The following SLC25A27 variants were observed in gnomAD, a reference collection of about 807,000 sequenced individuals.
SLC25A27 encodes the protein solute carrier family 25 member 27.
A neutral mutation model predicts 49.1 loss-of-function variants in SLC25A27; 35 were observed. The observed-to-expected ratio is 0.71, with a 90% confidence interval of 0.54 to 0.95. The LOEUF (loss-of-function observed/expected upper bound fraction) is 0.95. SLC25A27 is among the 40% of genes least tolerant of loss of function. SLC25A27 has a pLI of 0.00. For missense variants in SLC25A27, 339 were observed against 397.1 expected (o/e 0.85, Z 1.24); for synonymous variants, 144 against 136.9 (o/e 1.05, Z -0.36).
In SLC25A27 at chr6:46,671,113, G is replaced by GT; in HGVS notation, c.798-10dup. The GT allele has an allele frequency of 1.3e-6, 2 of 1,520,456 alleles. No homozygotes were observed. Among genetic ancestry groups the GT allele is most frequent in the Non-Finnish European group, 1.8e-6 (2 of 1,112,882 alleles). 94.2% of individuals were successfully genotyped at this position (1,520,456 alleles called of 1,614,324 possible). A position where few individuals can be genotyped will look rare whatever the true frequency, so the allele number is the denominator to read the frequency against. ...CACAGAAAAAAATTAAAAGGATCTT[G>GT]TTTCCTTTTTAGGGGACTTTTGTAT... On this transcript the variant is annotated splice_polypyrimidine_tract_variant and intron_variant, in intron 7 of 8. Transcript: ENST00000371347.
At chr6:46,657,572 T>C (rs1763027703) in intron 2 of SLC25A27, among the ~76,000 whole-genome samples, 1 of 152,224 alleles carries the variant, frequency 6.6e-6, no homozygotes, top group Non-Finnish European at 1.5e-5. Flanking sequence ...GGGAGTTACA[T>C]ATTATTTACT....
At chr6:46,665,277 A>G (rs1477469284) in intron 5 of SLC25A27, among the ~76,000 whole-genome samples, 2 of 152,130 alleles carry the variant, frequency 1.3e-5, no homozygotes, top group African/African-American at 4.8e-5. Context: ...CTAAATAATC[A>G]ATTTTTATAC....
chr6:46,664,910 T>G lies in SLC25A27; in HGVS notation c.619+24T>G, dbSNP rs184108813. The G allele has an allele frequency of 4.6e-5, 59 of 1,289,112 alleles. No individual in the cohort carries two copies. The African/African-American group carries it at 7.4e-4, about 16-fold the overall frequency. The allele number at this position is 1,289,112 out of a possible 1,614,324, so 79.9% of individuals were successfully genotyped here. On this transcript the variant is annotated intron_variant, in intron 5 of 8. Coordinates refer to ENST00000371347, the MANE Select transcript of SLC25A27 (RefSeq NM_004277.5). ...AGGTAATGAAAACTTTGTTAAATTC[T>G]AAAAAGTCCTAATTGCCTTAATAGC...
At chr6:46,660,875 T>C (rs1763139287) in intron 3 of SLC25A27, among the ~76,000 whole-genome samples, 2 of 152,220 alleles carry the variant, frequency 1.3e-5, no homozygotes, top group South Asian at 4.1e-4. Context: ...TGGAATTTCT[T>C]CCAGAAGGGA....
chr6:46,660,255 T>G (rs944655747), intron 3 of SLC25A27, among the ~76,000 whole-genome samples: 57 of 151,276 alleles, frequency 3.8e-4, no homozygotes, highest in South Asian at 6.3e-4. Flanking sequence ...TGTGTGTGTA[T>G]AGAGAGAGAG....
chr6:46,658,851 C>G, intron 2 of SLC25A27, 111 bp from the exon 3 acceptor site: 2 of 818,216 alleles, frequency 2.4e-6, no homozygotes, highest in South Asian at 1.4e-5. Flanking sequence ...GACAAAGACA[C>G]AGCTAGAGAG....
At position 46,665,579 on chromosome 6, in the gene SLC25A27, G is replaced by A. The variant is rs532297998; in HGVS notation, c.619+693G>A. Among the ~76,000 whole-genome samples, 21 of 152,176 alleles carry A rather than the reference G, an allele frequency of 1.4e-4. No homozygotes were observed. The South Asian group carries it at 2.5e-3, about 18-fold the overall frequency. ...CAGGTGCCTGTAGTCCCAGCTACTCGGGAGGCTGAGGCAGGAGAATGGCGT... is the reference window on the plus strand; with the variant it reads ...CAGGTGCCTGTAGTCCCAGCTACTCAGGAGGCTGAGGCAGGAGAATGGCGT... On this transcript the variant is annotated intron_variant, in intron 5 of 8. Coordinates refer to ENST00000371347, the MANE Select transcript of SLC25A27 (RefSeq NM_004277.5).
chr6:46,655,922 A>G lies in SLC25A27; in HGVS notation c.186A>G (p.Ala62=). The part of the protein sequence containing the change: ...EAALARLGDG[A]RESAPYRGMV... ...CTCTTGCTCGGTTGGGAGACGGTGC[A>G]AGAGAATCTGCCCCCTATAGGGGAA... The change falls in exon 2 of 9, where the codon GCA becomes GCG. Residue 62 remains alanine (A), a synonymous_variant. Coordinates refer to ENST00000371347, the MANE Select transcript of SLC25A27 (RefSeq NM_004277.5). 3.1e-6 allele frequency: 5 copies of G among 1,613,894 alleles called. No individual in the cohort carries two copies. The highest frequency in any genetic ancestry group is 4.2e-6 in the Non-Finnish European group (5 of 1,179,958).
At chr6:46,662,740 C>CT (rs1763200105) in intron 4 of SLC25A27, among the ~76,000 whole-genome samples, 1 of 152,194 alleles carries the variant, frequency 6.6e-6, no homozygotes, top group Non-Finnish European at 1.5e-5. Context: ...CCAGCCAAGG[C>CT]TAGACTTGTC....
intron 5 of SLC25A27, among the ~76,000 whole-genome samples, chr6:46,666,524 TAG>T (rs1763330100): frequency 6.6e-6 from 1 of 152,224 alleles, no homozygotes. Flanking sequence ...GCTTTGCTAT[TAG>T]AGTCTGTCTG....
intron 4 of SLC25A27, among the ~76,000 whole-genome samples, chr6:46,662,729 C>T (rs1670984563): frequency 6.6e-6 from 1 of 152,142 alleles, no homozygotes; most frequent in South Asian, 2.1e-4. Context: ...TGCTGCTTTT[C>T]CCAGCCAAGG....
intron 1 of SLC25A27, among the ~76,000 whole-genome samples, 162 bp from the exon 2 acceptor site, chr6:46,655,681 G>A (rs1321149139): frequency 1.3e-5 from 2 of 151,384 alleles, no homozygotes; most frequent in African/African-American, 4.9e-5. Context: ...CATGGGCACG[G>A]GGCTAGGAAA....
chr6:46,672,920 T>TAG (rs1490598272), intron 8 of SLC25A27, among the ~76,000 whole-genome samples: 2 of 152,320 alleles, frequency 1.3e-5, no homozygotes, highest in Non-Finnish European at 2.9e-5. Flanking sequence ...ATGAAAGTAA[T>TAG]AGCCAAAGCC....
At position 46,653,414 on chromosome 6, in the gene SLC25A27, G is replaced by A. The variant is rs1762836876; in HGVS notation, c.106+116G>A. On this transcript the variant is annotated intron_variant, in intron 1 of 8. Transcript: ENST00000371347. ...GCATCGGAGAGGTCGCCCCTTCCAT[G>A]CCCGCCTGGCAGAGGTGGCGGTGGA... 4.2e-6 allele frequency: 6 copies of A among 1,438,880 alleles called. No individual in the cohort carries two copies. The East Asian group carries it at 1.5e-4, about 37-fold the overall frequency. The allele number at this position is 1,438,880 out of a possible 1,614,324, so 89.1% of individuals were successfully genotyped here.
intron 8 of SLC25A27, among the ~76,000 whole-genome samples, chr6:46,674,420 A>G (rs1280433812): frequency 2.0e-5 from 3 of 152,144 alleles, no homozygotes; most frequent in Non-Finnish European, 4.4e-5. Flanking sequence ...CTGATACAAT[A>G]TACTGATTTG....
At chr6:46,654,980 C>G (rs1420511178) in intron 1 of SLC25A27, among the ~76,000 whole-genome samples, 1 of 152,102 alleles carries the variant, frequency 6.6e-6, no homozygotes, top group Non-Finnish European at 1.5e-5. Context: ...AGGACGTTTT[C>G]TGTATAAGGT....
In SLC25A27 at chr6:46,674,664, T is replaced by G. The variant is rs1361597762; in HGVS notation, c.901-1719T>G. 2.0e-5 allele frequency among the ~76,000 whole-genome samples: 3 copies of G among 152,268 alleles called. No individual in the cohort carries two copies. The East Asian group carries it at 5.8e-4, about 29-fold the overall frequency. ...CAGCTGATCTCATTGACACTGATGATCAGGCCACAATAGTTGGCTCATTCA... is the reference window on the plus strand; with the variant it reads ...CAGCTGATCTCATTGACACTGATGAGCAGGCCACAATAGTTGGCTCATTCA... On this transcript the variant is annotated intron_variant, in intron 8 of 8. Coordinates refer to ENST00000371347, the MANE Select transcript of SLC25A27 (RefSeq NM_004277.5).
intron 5 of SLC25A27, 106 bp downstream of exon 5, chr6:46,664,992 G>A: frequency 1.9e-6 from 1 of 529,510 alleles, no homozygotes; most frequent in East Asian, 3.2e-5. Context: ...ATATATTGGT[G>A]ACCATATATT....
intron 1 of SLC25A27, chr6:46,653,839 T>C: frequency 2.0e-6 from 2 of 985,356 alleles, no homozygotes; most frequent in Non-Finnish European, 2.4e-6. Flanking sequence ...TAATATATGA[T>C]TGCTAAACCC....
Sources: gnomAD v4.1 joint callset for allele counts (sites outside exome capture counted in the v4.1 genomes callset) on GRCh38, gnomAD v4.1.1 for gene constraint, MANE v1.5 for transcripts, NCBI Gene and HGNC (gene_info 2026-07-23, HGNC 2026-07-21) for gene names.